Variants in TSPEAR observed in about 807,000 individuals in gnomAD.
TSPEAR encodes thrombospondin-type laminin G domain and EAR repeat-containing protein.
TSPEAR carries 69 observed loss-of-function variants against 71.6 expected under a neutral mutation model. The ratio of observed to expected loss-of-function variants is 0.96; its 90% CI spans 0.79 to 1.18. TSPEAR has a LOEUF of 1.18. TSPEAR is among the 50% of genes most tolerant of loss of function. The pLI is 0.00. For synonymous variants in TSPEAR, 402 were observed against 387.2 expected (o/e 1.04, Z -0.45); for missense variants, 971 against 894.9 (o/e 1.09, Z -1.09).
intron 1 of TSPEAR, chr21:44,579,909 G>A: frequency 6.2e-7 from 1 of 1,613,280 alleles, no homozygotes. Flanking sequence ...GGGCGGCAGA[G>A]GAGGGACACG....
At chr21:44,508,357 G>C (rs935202793) in intron 10 of TSPEAR, 3 of 435,542 alleles carry the variant, frequency 6.9e-6, no homozygotes, top group African/African-American at 6.3e-5. Context: ...CCAGTGCCCA[G>C]GAGGGGCAGG....
intron 1 of TSPEAR, chr21:44,698,081 C>T: frequency 9.7e-7 from 1 of 1,034,508 alleles, no homozygotes. Flanking sequence ...CGTGCACAGC[C>T]TCTCTTCCCC....
In TSPEAR at chr21:44,506,171, T is replaced by C. The variant is rs1173517844; in HGVS notation, c.1755-1290A>G. On this transcript the variant is annotated intron_variant, in intron 10 of 11. Transcript: ENST00000323084. The surrounding 1 kb of genome is among the most constrained non-coding windows in gnomAD (Gnocchi z 4.2). ...GCAAACAAATTTGCTGTGTCCTGTC[T>C]TAGGAGTCTCACCTGAATTTACCAA... 6.6e-6 allele frequency among the ~76,000 whole-genome samples: 1 copy of C among 152,228 alleles called. No individual in the cohort carries two copies. The highest frequency in any genetic ancestry group is 1.5e-5 in the Non-Finnish European group (1 of 68,046).
chr21:44,600,442 A>G (rs1190905645), intron 1 of TSPEAR, among the ~76,000 whole-genome samples: 1 of 152,128 alleles, frequency 6.6e-6, no homozygotes, highest in Non-Finnish European at 1.5e-5. Flanking sequence ...CGCACTAATA[A>G]GCGTTCTCTA....
At chr21:44,647,435 C>A in intron 1 of TSPEAR, 1 of 1,473,212 alleles carries the variant, frequency 6.8e-7, no homozygotes. Context: ...CTGGAGTCCT[C>A]AGAATCCACC....
At chr21:44,525,569 TAAG>T (rs1477917051) in intron 8 of TSPEAR, 81 bp downstream of exon 8, 1 of 1,380,928 alleles carries the variant, frequency 7.2e-7, no homozygotes, top group East Asian at 2.3e-5. Context: ...TGTTTTCTAA[TAAG>T]ATACACATTC....
At chr21:44,683,425 G>A (rs1441580764) in intron 1 of TSPEAR, among the ~76,000 whole-genome samples, 1 of 152,142 alleles carries the variant, frequency 6.6e-6, no homozygotes, top group Non-Finnish European at 1.5e-5. Context: ...CAGCACTTTG[G>A]GAGACCAAGA....
chr21:44,627,402 C>G (rs782684218), intron 1 of TSPEAR: 56 of 1,613,952 alleles, frequency 3.5e-5, no homozygotes, highest in Non-Finnish European at 4.2e-5. Flanking sequence ...CCTGCACGCC[C>G]TCGTGCTGCC....
At chr21:44,558,816 G>A (rs587720697) in intron 2 of TSPEAR, 38 of 1,449,304 alleles carry the variant, frequency 2.6e-5, no homozygotes, top group African/African-American at 1.0e-4. Flanking sequence ...CTGAGTGGTC[G>A]GAACCTTTAT....
At chr21:44,545,272 C>T (rs1309822778) in intron 2 of TSPEAR, among the ~76,000 whole-genome samples, 2 of 151,514 alleles carry the variant, frequency 1.3e-5, no homozygotes, top group East Asian at 1.9e-4. Flanking sequence ...GAGCCGATAT[C>T]GTGCCACTGC....
intron 1 of TSPEAR, among the ~76,000 whole-genome samples, chr21:44,678,632 C>T (rs1237953387): frequency 6.6e-6 from 1 of 152,134 alleles, no homozygotes; most frequent in Non-Finnish European, 1.5e-5. Flanking sequence ...CCAGTGTAAT[C>T]AGGTAAGAGA....
chr21:44,562,740 A>T (rs944984771), intron 2 of TSPEAR, among the ~76,000 whole-genome samples: 1 of 152,190 alleles, frequency 6.6e-6, no homozygotes, highest in Non-Finnish European at 1.5e-5. Context: ...AAGAAAAAAA[A>T]GTCAGCCAAG....
chr21:44,706,778 C>A (rs1201797321), intron 1 of TSPEAR, among the ~76,000 whole-genome samples: 1 of 152,198 alleles, frequency 6.6e-6, no homozygotes, highest in Non-Finnish European at 1.5e-5. Context: ...GCGAGCTTCT[C>A]TTCTGTTTTT....
Position 44,506,654 on chromosome 21 carries a change from C to T in TSPEAR, c.1755-1773G>A, listed in dbSNP as rs187581743. ...GATTTGGTTCCCATGCAGCCCGTGC[C>T]AGCTCGCTGGGAGGAGGACGAGGAC... On this transcript the variant is annotated intron_variant, in intron 10 of 11. Transcript: ENST00000323084. The surrounding 1 kb of genome is among the most constrained non-coding windows in gnomAD (Gnocchi z 4.2). Among the ~76,000 whole-genome samples the T allele has an allele frequency of 1.3e-5, 2 of 152,364 alleles. No individual in the cohort carries two copies. The highest frequency in any genetic ancestry group is 3.9e-4 in the East Asian group (2 of 5,182).
In TSPEAR at chr21:44,687,643, T is replaced by C. The variant is rs1986920414; in HGVS notation, c.82+23790A>G. Among the ~76,000 whole-genome samples, 1 of 152,060 alleles carries C rather than the reference T, an allele frequency of 6.6e-6. No individual in the cohort carries two copies. The highest frequency in any genetic ancestry group is 1.5e-5 in the Non-Finnish European group (1 of 67,990). Reference sequence around the variant, plus strand: ...CTCTGGGGGATTGGGTGAAATTGACTGGGGAAGGCAGAAGAGTTCTGGAGA... The same window carrying C: ...CTCTGGGGGATTGGGTGAAATTGACCGGGGAAGGCAGAAGAGTTCTGGAGA... On this transcript the variant is annotated intron_variant, in intron 1 of 11. Transcript: ENST00000323084. The surrounding 1 kb of genome is among the most constrained non-coding windows in gnomAD (Gnocchi z 4.4).
intron 9 of TSPEAR, among the ~76,000 whole-genome samples, chr21:44,512,578 A>C (rs1601334412): frequency 6.6e-6 from 1 of 152,126 alleles, no homozygotes; most frequent in African/African-American, 2.4e-5. Context: ...TGCTCTGGCC[A>C]CAGCCCTGAG....
rs587671725 is a variant in TSPEAR at position 44,509,380 on chromosome 21, C to T, written c.1573G>A (p.Gly525Ser). The T allele has an allele frequency of 1.6e-5, 25 of 1,611,378 alleles. No homozygotes were observed. Among genetic ancestry groups the T allele is most frequent in the Admixed American group, 3.3e-5 (2 of 59,842 alleles). Residue 525 changes from glycine to serine, a missense_variant, in exon 10 of 12, where the codon GGT becomes AGT. Physicochemically the swap from Gly to Ser is moderately conservative, Grantham distance 56. Transcript: ENST00000323084. ...TGGAAGACCTCCCAGTCTGCAGCACCGAACGTCTAGGACCAAAGGAGAGCA... is the reference window on the plus strand; with the variant it reads ...TGGAAGACCTCCCAGTCTGCAGCACTGAACGTCTAGGACCAAAGGAGAGCA... ...FQLFQSFPTF[G>S]AADWEVFQIG... is the part of the protein sequence containing the mutation.
Position 44,521,906 on chromosome 21 carries a change from A to G in TSPEAR, c.1543T>C (p.Phe515Leu). 1 of 1,613,814 alleles carries G rather than the reference A, an allele frequency of 6.2e-7. No homozygotes were observed. The highest frequency in any genetic ancestry group is 2.2e-5 in the East Asian group (1 of 44,866). The change falls in exon 9 of 12, where the codon TTC becomes CTC. Residue 515 changes from phenylalanine (F) to leucine (L), a missense_variant. Transcript: ENST00000323084. ...ACCGGGAAGGACTGGAAGAGCTGGA[A>G]GGAGCCCAGGAGTCGGATGTAGAGG... ...SHLYIRLLGS[F>L]QLFQSFPTFG...
chr21:44,657,688 G>A lies in TSPEAR; in HGVS notation c.82+53745C>T, dbSNP rs587749010. On this transcript the variant is annotated intron_variant, in intron 1 of 11. Coordinates refer to ENST00000323084, the MANE Select transcript of TSPEAR (RefSeq NM_144991.3). ...GTCGAGCCAGTGGTGCTATGTGCACGGTAGTAGCCTGAAAAAAATTGACAA... is the reference window on the plus strand; with the variant it reads ...GTCGAGCCAGTGGTGCTATGTGCACAGTAGTAGCCTGAAAAAAATTGACAA... Among the ~76,000 whole-genome samples the A allele has an allele frequency of 1.2e-4, 19 of 152,292 alleles. No individual in the cohort carries two copies. In the South Asian group the frequency reaches 1.4e-3, roughly 12 times the overall value.
Sources: allele counts gnomAD v4.1 joint callset (sites outside exome capture counted in the v4.1 genomes callset), GRCh38; gene constraint gnomAD v4.1.1; non-coding constraint Gnocchi (gnomAD v3.1); transcripts MANE v1.5; gene names NCBI Gene and HGNC (gene_info 2026-07-23, HGNC 2026-07-21).